LYPD6: variants seen among roughly 807,000 people sequenced by gnomAD.
LYPD6 encodes LY6/PLAUR domain containing 6.
A neutral mutation model predicts 22.7 loss-of-function variants in LYPD6; 15 were observed. That is an observed-to-expected ratio of 0.66 (90% CI 0.44 to 1.02). LYPD6 has a LOEUF of 1.02. LYPD6 is among the 50% of genes least tolerant of loss of function. The probability of loss-of-function intolerance (pLI) is 0.00; values close to 1 mark genes in which losing one functional copy is unlikely to be tolerated. For missense variants in LYPD6, 189 were observed against 208.4 expected, an observed-to-expected ratio of 0.91 and a Z score of 0.57; for synonymous variants, 72 against 77.5, an observed-to-expected ratio of 0.93 and a Z score of 0.37.
At chr2:149,429,853 G>A (rs974795179) in intron 1 of LYPD6, among the ~76,000 whole-genome samples, 2 of 152,144 alleles carry the variant, frequency 1.3e-5, no homozygotes, top group African/African-American at 4.8e-5. Context: ...GACTACTTGG[G>A]CTTCCTTATA....
At chr2:149,355,389 A>T (rs1308191062) in intron 1 of LYPD6, among the ~76,000 whole-genome samples, 1 of 152,258 alleles carries the variant, frequency 6.6e-6, no homozygotes, top group Non-Finnish European at 1.5e-5. Flanking sequence ...TATCTCATAA[A>T]CATTAGCATT....
intron 1 of LYPD6, among the ~76,000 whole-genome samples, chr2:149,333,884 C>G (rs982927994): frequency 6.6e-6 from 1 of 152,054 alleles, no homozygotes; most frequent in African/African-American, 2.4e-5. Context: ...ATTAAGTCTT[C>G]TAATGGAAGA....
the LYPD6 span, among the ~76,000 whole-genome samples, chr2:149,479,315 A>T: frequency 2.7e-4 from 41 of 152,166 alleles, no homozygotes; most frequent in East Asian, 7.9e-3. Context: ...CCATTCTATA[A>T]TCTTTCCTAG....
intron 1 of LYPD6, among the ~76,000 whole-genome samples, chr2:149,365,174 A>G (rs1466374485): frequency 1.3e-5 from 2 of 152,228 alleles, no homozygotes; most frequent in African/African-American, 4.8e-5. Flanking sequence ...TTGCCCATGC[A>G]AAGCTCTCCA....
chr2:149,438,340 C>G (rs938062788), intron 2 of LYPD6, among the ~76,000 whole-genome samples: 1 of 152,170 alleles, frequency 6.6e-6, no homozygotes, highest in African/African-American at 2.4e-5. Context: ...CCTAGAGTTT[C>G]TGATTTGCAT....
chr2:149,454,748 G>A (rs1373885449), intron 3 of LYPD6, among the ~76,000 whole-genome samples: 1 of 152,112 alleles, frequency 6.6e-6, no homozygotes, highest in Admixed American at 6.6e-5. Flanking sequence ...CCAACACCTA[G>A]TATTGACAGA....
chr2:149,372,294 CTT>C (rs1681828721), intron 1 of LYPD6, among the ~76,000 whole-genome samples: 1 of 152,164 alleles, frequency 6.6e-6, no homozygotes, highest in African/African-American at 2.4e-5. Flanking sequence ...CCGTTCCTCT[CTT>C]AAGACTATAA....
downstream of LYPD6, among the ~76,000 whole-genome samples, chr2:149,475,809 A>G (rs2105189815): frequency 6.6e-6 from 1 of 152,326 alleles, no homozygotes; most frequent in Non-Finnish European, 1.5e-5. Context: ...GTTAATCAGC[A>G]TGACCCCATT....
chr2:149,352,661 C>T (rs768202068), intron 1 of LYPD6, among the ~76,000 whole-genome samples: 19 of 152,152 alleles, frequency 1.2e-4, no homozygotes, highest in African/African-American at 3.1e-4. Context: ...CATTTGTGTA[C>T]GTATCCTGCA....
chr2:149,334,436 C>T (rs1680995816), intron 1 of LYPD6, among the ~76,000 whole-genome samples: 1 of 152,066 alleles, frequency 6.6e-6, no homozygotes, highest in Non-Finnish European at 1.5e-5. Flanking sequence ...ATTCCTACAC[C>T]CAGGCTTTCT....
Position 149,473,159 on chromosome 2 carries a change from G to A in LYPD6, c.*2309G>A, listed in dbSNP as rs988963627. The A allele has an allele frequency of 6.6e-6, 1 of 152,616 alleles. No individual in the cohort carries two copies. The highest frequency in any genetic ancestry group is 2.4e-5 in the African/African-American group (1 of 41,444). 9.5% of individuals were successfully genotyped at this position (152,616 alleles called of 1,614,324 possible). A position where few individuals can be genotyped will look rare whatever the true frequency, so the allele number is the denominator to read the frequency against. On this transcript the variant is annotated 3_prime_UTR_variant, in exon 5 of 5. Transcript: ENST00000334166. ...CTGACATCTTCCAAGTACTGCATGT[G>A]ATTGAATAAGAAACAAGAAAGTGAC...
chr2:149,427,150 A>T (rs538974501), intron 1 of LYPD6, among the ~76,000 whole-genome samples: 1 of 152,346 alleles, frequency 6.6e-6, no homozygotes, highest in Non-Finnish European at 1.5e-5. Flanking sequence ...GATATAAAGC[A>T]TATGCCTCAT....
At chr2:149,444,199 G>T (rs1320998203) in intron 2 of LYPD6, among the ~76,000 whole-genome samples, 1 of 152,136 alleles carries the variant, frequency 6.6e-6, no homozygotes, top group Non-Finnish European at 1.5e-5. Context: ...CTCCCAAAGT[G>T]CTGAGATTAC....
chr2:149,367,357 C>T (rs1681699028), intron 1 of LYPD6, among the ~76,000 whole-genome samples: 1 of 152,126 alleles, frequency 6.6e-6, no homozygotes, highest in Admixed American at 6.5e-5. Flanking sequence ...ACCTTCAGTT[C>T]CTGGTTATGT....
chr2:149,422,796 C>T (rs574924535), intron 1 of LYPD6, among the ~76,000 whole-genome samples: 7 of 152,258 alleles, frequency 4.6e-5, no homozygotes, highest in East Asian at 1.9e-4. Context: ...CATCATTCTA[C>T]TCTTCCTCTG....
chr2:149,362,096 C>A (rs183981044), intron 1 of LYPD6, among the ~76,000 whole-genome samples: 73 of 152,164 alleles, frequency 4.8e-4, no homozygotes, highest in Admixed American at 1.3e-4. Context: ...GATTTTAGCC[C>A]AGTAAGACCC....
At chr2:149,402,233 CGTGT>C (rs146124855) in intron 1 of LYPD6, among the ~76,000 whole-genome samples, 208 of 145,604 alleles carry the variant, frequency 1.4e-3, no homozygotes, top group African/African-American at 3.8e-3. Context: ...TGTGTGTTTG[CGTGT>C]GTGTGTGTGT....
At chr2:149,330,530 C>A (rs1458856967), upstream of LYPD6, 2 of 149,642 alleles carry the variant, frequency 1.3e-5, no homozygotes, top group African/African-American at 4.9e-5. Context: ...GTGCCCGGCG[C>A]GAGTGGGAGT....
chr2:149,369,511 G>A (rs1681757953), intron 1 of LYPD6, among the ~76,000 whole-genome samples: 1 of 152,138 alleles, frequency 6.6e-6, no homozygotes, highest in African/African-American at 2.4e-5. Flanking sequence ...TTAGTCTAGC[G>A]TTTCATCTTG....
Sources: gnomAD v4.1 joint callset for allele counts (sites outside exome capture counted in the v4.1 genomes callset) on GRCh38, gnomAD v4.1.1 for gene constraint, MANE v1.5 for transcripts, NCBI Gene and HGNC (gene_info 2026-07-23, HGNC 2026-07-21) for gene names.